The following SNAPC3 variants were observed in gnomAD, a reference collection of about 807,000 sequenced individuals.
SNAPC3 encodes snRNA-activating protein complex subunit 3.
SNAPC3 carries 56 observed loss-of-function variants against 47.7 expected under a neutral mutation model. The observed-to-expected ratio is 1.18, with a 90% CI of 0.95 to 1.47. The LOEUF is 1.47. Among genes scored for constraint, SNAPC3 ranks in the 40% most tolerant of loss-of-function variants. The pLI is 0.00. For missense variants in SNAPC3, 665 were observed against 511.3 expected (o/e 1.30, Z -2.90); for synonymous variants, 235 against 189.9 (o/e 1.24, Z -1.95).
intron 3 of SNAPC3, among the ~76,000 whole-genome samples, chr9:15,442,553 C>T (rs1442840129): frequency 2.7e-5 from 4 of 150,562 alleles, no homozygotes; most frequent in Admixed American, 2.6e-4. Flanking sequence ...CGGGCAGAGG[C>T]GCTCCTCACA....
intron 3 of SNAPC3, among the ~76,000 whole-genome samples, chr9:15,439,672 C>A (rs2033147077): frequency 2.0e-5 from 3 of 152,154 alleles, no homozygotes; most frequent in Admixed American, 1.3e-4. Flanking sequence ...GTAGCTGGAA[C>A]TACAAGCACC....
At chr9:15,449,024 G>A (rs2034158001) in intron 5 of SNAPC3, among the ~76,000 whole-genome samples, 1 of 151,988 alleles carries the variant, frequency 6.6e-6, no homozygotes, top group African/African-American at 2.4e-5. Context: ...TGGCCAAGCT[G>A]GTGTCGAACT....
rs527439909 is a variant in SNAPC3, at chr9:15,432,669, C to G, written c.393-883C>G. On this transcript the variant is annotated intron_variant, in intron 2 of 8. Transcript: ENST00000380821. ...AGAATAAAACAATTATCTGTAGGTT[C>G]ATACTAATAGAAATGATGAAATAAA... Among the ~76,000 whole-genome samples the G allele has an allele frequency of 7.4e-4, 113 of 152,274 alleles. 1 individual carries two copies. The highest frequency in any genetic ancestry group is 2.6e-3 in the African/African-American group (109 of 41,546).
At chr9:15,446,620 G>A (rs1389374536) in intron 4 of SNAPC3, among the ~76,000 whole-genome samples, 3 of 152,154 alleles carry the variant, frequency 2.0e-5, no homozygotes, top group Non-Finnish European at 4.4e-5. Flanking sequence ...ACACCATGTA[G>A]GGCCACAGGA....
chr9:15,461,930 A>G (rs2035250539), downstream of SNAPC3: 1 of 152,256 alleles, frequency 6.6e-6, no homozygotes, highest in African/African-American at 2.4e-5. Flanking sequence ...GCTAAAATTG[A>G]GCAGATTGAT....
downstream of SNAPC3, chr9:15,464,152 A>AT (rs1472973620): frequency 5.4e-6 from 1 of 184,610 alleles, no homozygotes; most frequent in Non-Finnish European, 1.2e-5. Flanking sequence ...TTAAAACTGT[A>AT]TAAGGACCAA....
chr9:15,446,446 A>G (rs970122167), intron 4 of SNAPC3, among the ~76,000 whole-genome samples: 7 of 152,164 alleles, frequency 4.6e-5, no homozygotes, highest in South Asian at 4.1e-4. Context: ...GGCTCAAGCA[A>G]TCCTCCTGCT....
Position 15,459,794 on chromosome 9 carries a change from C to T in SNAPC3, c.1164C>T (p.His388=). 1 of 1,613,220 alleles carries T rather than the reference C, an allele frequency of 6.2e-7. No homozygotes were observed. The highest frequency in any genetic ancestry group is 8.5e-7 in the Non-Finnish European group (1 of 1,179,432). The change falls in exon 9 of 9, where the codon CAC becomes CAT. Residue 388 remains histidine (H), a synonymous_variant. Transcript: ENST00000380821. ...GTGATGTTTGCTTCCGAATGCTGCACTATGATTCAGAAGGCAACAAACTGG... is the reference window on the plus strand; with the variant it reads ...GTGATGTTTGCTTCCGAATGCTGCATTATGATTCAGAAGGCAACAAACTGG... The part of the protein sequence containing the change: ...FFCDVCFRML[H]YDSEGNKLGE...
chr9:15,455,747 G>A (rs1317194751), intron 7 of SNAPC3, among the ~76,000 whole-genome samples: 2 of 150,560 alleles, frequency 1.3e-5, no homozygotes, highest in Non-Finnish European at 2.9e-5. Context: ...TGCCTAGGCT[G>A]GAATGCAGTG....
rs753775849 is a variant in SNAPC3, at chr9:15,453,203, A to T, written c.978A>T (p.Ile326=). ...AACATGTCATTGTCATTACTGACAT[A>T]AGGTAGGTGACAGCACTTAAGACAT... ...DCEHVIVITD[I]RLVHHDDCLD... is the part of the protein sequence containing the mutation. Residue 326 remains isoleucine (I), a splice_region_variant and synonymous_variant, in exon 7 of 9, where the codon ATA becomes ATT. Coordinates refer to ENST00000380821, the MANE Select transcript of SNAPC3 (RefSeq NM_001039697.2). The T allele has an allele frequency of 1.9e-6, 3 of 1,607,038 alleles. No individual in the cohort carries two copies. The South Asian group carries it at 3.3e-5, about 18-fold the overall frequency.
Position 15,457,946 on chromosome 9 carries a change from C to T in SNAPC3, c.981-14C>T. On this transcript the variant is annotated splice_polypyrimidine_tract_variant and intron_variant, in intron 7 of 8. Transcript: ENST00000380821. ...TTTGTCACCTTAATATCTTTATTTT[C>T]CCACGAACAAAAGGCTTGTGCATCA... The T allele has an allele frequency of 6.7e-7, 1 of 1,496,810 alleles. No homozygotes were observed. The highest frequency in any genetic ancestry group is 1.2e-5 in the South Asian group (1 of 81,712). The allele number at this position is 1,496,810 out of a possible 1,614,324, so 92.7% of individuals were successfully genotyped here.
intron 2 of SNAPC3, among the ~76,000 whole-genome samples, chr9:15,429,376 C>T (rs542315758): frequency 6.6e-6 from 1 of 152,192 alleles, no homozygotes; most frequent in African/African-American, 2.4e-5. Flanking sequence ...CAATTGATGA[C>T]TGGAAAATTT....
rs755128943 is a variant in SNAPC3, at chr9:15,451,378, A to C, written c.791A>C (p.Tyr264Ser). ...GGAACATTTTATAATGATAAAAGAT[A>C]CCCAGAATGCAGAGATTTGAGCAGG... ...FEGTFYNDKR[Y>S]PECRDLSRTI... Residue 264 changes from tyrosine (Y) to serine (S), a missense_variant, in exon 6 of 9, where the codon TAC (tyrosine) becomes TCC (serine). Transcript: ENST00000380821. 2.9e-5 allele frequency: 45 copies of C among 1,548,458 alleles called. No homozygotes were observed. The highest frequency in any genetic ancestry group is 3.8e-5 in the Non-Finnish European group (43 of 1,130,744).
chr9:15,426,330 C>T lies in SNAPC3; in HGVS notation c.392+2344C>T, dbSNP rs567388965. 1.4e-3 allele frequency among the ~76,000 whole-genome samples: 212 copies of T among 152,270 alleles called. 1 individual carries two copies. Among genetic ancestry groups the T allele is most frequent in the African/African-American group, 4.9e-3 (204 of 41,546 alleles). ...CCTGCAAGTCTTAGCTAAAGGACTA[C>T]GGACTCCATTTAGGTCATCTTGTAT... On this transcript the variant is annotated intron_variant, in intron 2 of 8. Coordinates refer to ENST00000380821, the MANE Select transcript of SNAPC3 (RefSeq NM_001039697.2).
At chr9:15,427,152 G>A (rs1181438410) in intron 2 of SNAPC3, among the ~76,000 whole-genome samples, 1 of 152,212 alleles carries the variant, frequency 6.6e-6, no homozygotes, top group Non-Finnish European at 1.5e-5. Flanking sequence ...GTAGTTGGTA[G>A]ATATTGATTC....
chr9:15,444,000 G>C (rs904431982), intron 3 of SNAPC3, among the ~76,000 whole-genome samples: 6 of 152,130 alleles, frequency 3.9e-5, no homozygotes, highest in South Asian at 2.1e-4. Context: ...CTAGGCCCTG[G>C]AGCTGCCTAC....
chr9:15,446,364 G>A (rs945164438), intron 4 of SNAPC3, among the ~76,000 whole-genome samples: 4 of 152,100 alleles, frequency 2.6e-5, no homozygotes, highest in African/African-American at 7.2e-5. Context: ...GTATCACAAC[G>A]CCCAGCTAAC....
intron 3 of SNAPC3, among the ~76,000 whole-genome samples, chr9:15,441,925 G>C (rs1409038063): frequency 1.3e-5 from 2 of 152,178 alleles, no homozygotes; most frequent in African/African-American, 4.8e-5. Flanking sequence ...TCCCAGACGT[G>C]GTGGCGGCCG....
intron 3 of SNAPC3, among the ~76,000 whole-genome samples, chr9:15,441,876 G>A (rs574167404): frequency 3.9e-5 from 6 of 152,234 alleles, no homozygotes; most frequent in African/African-American, 7.2e-5. Context: ...AACCGCCATC[G>A]TCATCATGGC....
Sources: gnomAD v4.1 joint callset for allele counts (sites outside exome capture counted in the v4.1 genomes callset) on GRCh38, gnomAD v4.1.1 for gene constraint, MANE v1.5 for transcripts, NCBI Gene and HGNC (gene_info 2026-07-23, HGNC 2026-07-21) for gene names.